Variants in MAL2 observed in about 807,000 individuals in gnomAD.
The protein encoded by MAL2 is mal, T cell differentiation protein 2.
Under a neutral mutation model 18.1 loss-of-function variants are expected in MAL2, and 17 were observed. The ratio of observed to expected loss-of-function variants is 0.94; its 90% confidence interval spans 0.64 to 1.41. The LOEUF (loss-of-function observed/expected upper bound fraction) is 1.41, where lower values mean the gene tolerates loss of function less well. Ranked by LOEUF, MAL2 falls within the 40% of genes most tolerant of loss-of-function variation. The pLI is 0.00. For missense variants in MAL2, 222 were observed against 231.9 expected (o/e 0.96, Z 0.28); for synonymous variants, 102 against 102.3 (o/e 1.00, Z 0.02).
At chr8:119,235,590 A>G (rs1056571262) in intron 2 of MAL2, among the ~76,000 whole-genome samples, 1 of 152,132 alleles carries the variant, frequency 6.6e-6, no homozygotes, top group Non-Finnish European at 1.5e-5. Flanking sequence ...TCAGACTAAC[A>G]GCGGGTCTCT....
chr8:119,225,616 ATC>A (rs1230029978), intron 2 of MAL2, among the ~76,000 whole-genome samples: 1 of 152,062 alleles, frequency 6.6e-6, no homozygotes, highest in Non-Finnish European at 1.5e-5. Flanking sequence ...ATGTTTTATA[ATC>A]CTTTGGGTAT....
At chr8:119,225,742 TA>T in intron 2 of MAL2, among the ~76,000 whole-genome samples, 1 of 152,332 alleles carries the variant, frequency 6.6e-6, no homozygotes. Context: ...ACCAACAGTG[TA>T]AAAGTGTTCC....
intron 2 of MAL2, among the ~76,000 whole-genome samples, chr8:119,233,731 G>A (rs557771118): frequency 4.1e-4 from 63 of 151,968 alleles, no homozygotes; most frequent in African/African-American, 1.2e-3. Context: ...ATTCACAGCC[G>A]AATTCTACCA....
intron 2 of MAL2, among the ~76,000 whole-genome samples, chr8:119,239,488 T>C (rs1452996755): frequency 2.6e-5 from 4 of 152,024 alleles, no homozygotes; most frequent in African/African-American, 9.7e-5. Flanking sequence ...TATTGCGGCA[T>C]TATTCACAGT....
chr8:119,240,906 C>T (rs1469606480), intron 3 of MAL2, among the ~76,000 whole-genome samples: 4 of 151,894 alleles, frequency 2.6e-5, no homozygotes, highest in Non-Finnish European at 5.9e-5. Context: ...ATCTTTAATT[C>T]GTATACTGGA....
At chr8:119,219,031 C>T (rs886902235) in intron 1 of MAL2, among the ~76,000 whole-genome samples, 5 of 152,124 alleles carry the variant, frequency 3.3e-5, no homozygotes, top group African/African-American at 1.2e-4. Flanking sequence ...CTTATATCGC[C>T]TTCAGATATT....
rs570103083 is a variant in MAL2, at chr8:119,214,164, T to C, written c.132+5560T>C. Among the ~76,000 whole-genome samples the C allele has an allele frequency of 3.9e-5, 6 of 152,322 alleles. No individual in the cohort carries two copies. In the South Asian group the frequency reaches 1.2e-3, roughly 32 times the overall value. ...AGGAACCAGGTTGGCATACCCAGTA[T>C]CATGCACATGCAGTACTTAACAAAT... is the stretch of plus-strand genomic sequence containing the variant. On this transcript the variant is annotated intron_variant, in intron 1 of 3. Transcript: ENST00000614891.
intron 1 of MAL2, among the ~76,000 whole-genome samples, chr8:119,220,175 C>T (rs571174801): frequency 9.2e-5 from 14 of 152,172 alleles, no homozygotes; most frequent in African/African-American, 1.9e-4. Flanking sequence ...ATTTCTCCTG[C>T]GGTGTTCTCT....
rs948583875 is a variant in MAL2 at position 119,208,933 on chromosome 8, A to G, written c.132+329A>G. 1.6e-5 allele frequency: 3 copies of G among 188,774 alleles called. No homozygotes were observed. The highest frequency in any genetic ancestry group is 1.3e-4 in the East Asian group (1 of 7,830). 11.7% of individuals were successfully genotyped at this position (188,774 alleles called of 1,614,324 possible). Reference sequence around the variant, plus strand: ...AGAGGCGCCTTTAGAAACCCAGGGCATGGCCAGGGGCCGCGCTTGGCCGGA... The same window carrying G: ...AGAGGCGCCTTTAGAAACCCAGGGCGTGGCCAGGGGCCGCGCTTGGCCGGA... On this transcript the variant is annotated intron_variant, in intron 1 of 3. Coordinates refer to ENST00000614891, the MANE Select transcript of MAL2 (RefSeq NM_052886.3). This position sits in a 1 kb window ranked among gnomAD's most constrained non-coding sequence, Gnocchi z 4.3.
At chr8:119,215,317 C>G (rs920259071) in intron 1 of MAL2, 2 of 152,166 alleles carry the variant, frequency 1.3e-5, no homozygotes, top group African/African-American at 4.8e-5. Context: ...GGGCTCCAGA[C>G]CGGAGTGTGT....
chr8:119,234,308 A>G (rs1006948738), intron 2 of MAL2, among the ~76,000 whole-genome samples: 3 of 152,156 alleles, frequency 2.0e-5, no homozygotes, highest in African/African-American at 4.8e-5. Context: ...GGAGGGTCCT[A>G]TGCCCACGGA....
intron 1 of MAL2, among the ~76,000 whole-genome samples, chr8:119,210,481 A>G (rs948271121): frequency 6.6e-6 from 1 of 152,064 alleles, no homozygotes. Context: ...TAATAACTTG[A>G]ACAGCTTTTT....
chr8:119,211,525 G>A (rs1264818617), intron 1 of MAL2, among the ~76,000 whole-genome samples: 1 of 152,084 alleles, frequency 6.6e-6, no homozygotes, highest in South Asian at 2.1e-4. Context: ...TTGGCTCAAA[G>A]TATTCATTCC....
chr8:119,231,274 C>A (rs192969214), intron 2 of MAL2, among the ~76,000 whole-genome samples: 1 of 152,164 alleles, frequency 6.6e-6, no homozygotes, highest in African/African-American at 2.4e-5. Flanking sequence ...CCTCATGATC[C>A]GCCCGCCTTG....
At chr8:119,236,650 G>A (rs959681831) in intron 2 of MAL2, among the ~76,000 whole-genome samples, 33 of 151,316 alleles carry the variant, frequency 2.2e-4, no homozygotes, top group East Asian at 9.7e-4. Flanking sequence ...ACTCAAAACC[G>A]CTCAACTACA....
intron 2 of MAL2, among the ~76,000 whole-genome samples, chr8:119,236,414 G>A (rs1270505095): frequency 6.6e-6 from 1 of 151,604 alleles, no homozygotes; most frequent in South Asian, 2.1e-4. Flanking sequence ...GGATACCCAG[G>A]AATTGAACTC....
At chr8:119,220,487 T>A (rs1425069) in intron 1 of MAL2, among the ~76,000 whole-genome samples, 28,255 of 152,108 alleles carry the variant, frequency 0.19, 3,096 homozygotes, top group South Asian at 0.34. Flanking sequence ...CAGAGAGAAA[T>A]TTCTAAAGGC....
At chr8:119,231,995 G>A (rs1587135266) in intron 2 of MAL2, among the ~76,000 whole-genome samples, 2 of 152,152 alleles carry the variant, frequency 1.3e-5, no homozygotes, top group South Asian at 4.1e-4. Flanking sequence ...CTATTGTACA[G>A]CATGGCAACT....
intron 2 of MAL2, among the ~76,000 whole-genome samples, chr8:119,228,887 G>A (rs1159579708): frequency 6.6e-6 from 1 of 152,096 alleles, no homozygotes; most frequent in Non-Finnish European, 1.5e-5. Context: ...TAAGTGGTTG[G>A]TCCCCTTGAG....
Sources: allele counts gnomAD v4.1 joint callset (sites outside exome capture counted in the v4.1 genomes callset), GRCh38; gene constraint gnomAD v4.1.1; non-coding constraint Gnocchi (gnomAD v3.1); transcripts MANE v1.5; gene names NCBI Gene and HGNC (gene_info 2026-07-23, HGNC 2026-07-21).